C8A: variants seen among roughly 807,000 people sequenced by gnomAD.
The protein encoded by C8A is complement component C8 alpha chain.
In C8A, 67 loss-of-function variants were observed where a neutral mutation model predicts 65.3. That is an observed-to-expected ratio of 1.03 (90% CI 0.84 to 1.26). The LOEUF is 1.26. Among genes scored for constraint, C8A ranks in the 50% most tolerant of loss-of-function variants. C8A has a pLI of 0.00. For missense variants in C8A, 781 were observed against 723.9 expected (o/e 1.08, Z -0.90); for synonymous variants, 290 against 259.4 (o/e 1.12, Z -1.13).
intron 8 of C8A, among the ~76,000 whole-genome samples, chr1:56,907,695 C>A (rs577030948): frequency 6.6e-6 from 1 of 152,078 alleles, no homozygotes; most frequent in South Asian, 2.1e-4. Flanking sequence ...AATGAATGAC[C>A]ACCCATTTCC....
Position 56,918,057 on chromosome 1 carries a change from A to G in C8A, c.*341A>G, listed in dbSNP as rs1314420222. ...CTTACAGGATGTTAGAGACAAAACA[A>G]GCAGACACCTGAAACAATCAACGCC... On this transcript the variant is annotated 3_prime_UTR_variant, in exon 11 of 11. Transcript: ENST00000361249. 3 of 242,226 alleles carry G rather than the reference A, an allele frequency of 1.2e-5. No individual in the cohort carries two copies. In the Admixed American group the frequency reaches 1.6e-4, roughly 13 times the overall value. The allele number at this position is 242,226 out of a possible 1,614,324, so 15.0% of individuals were successfully genotyped here. A position where few individuals can be genotyped will look rare whatever the true frequency, so the allele number is the denominator to read the frequency against.
chr1:56,902,080 C>T (rs1292976323), intron 7 of C8A, among the ~76,000 whole-genome samples: 1 of 152,142 alleles, frequency 6.6e-6, no homozygotes, highest in Non-Finnish European at 1.5e-5. Context: ...CTTAAAAGAT[C>T]GCTGGTCTTT....
chr1:56,908,870 G>A (rs1570352766), intron 9 of C8A, among the ~76,000 whole-genome samples: 2 of 152,200 alleles, frequency 1.3e-5, no homozygotes, highest in Admixed American at 1.3e-4. Context: ...CATTAAAGCA[G>A]TGGCTCTCAG....
chr1:56,888,135 A>G (rs1029045248), intron 7 of C8A, among the ~76,000 whole-genome samples: 3 of 152,162 alleles, frequency 2.0e-5, no homozygotes, highest in Admixed American at 1.3e-4. Flanking sequence ...GTATATAAAA[A>G]AAATTTCCAA....
Position 56,883,645 on chromosome 1 carries a change from T to G in C8A, c.819T>G (p.Thr273=). The G allele has an allele frequency of 6.2e-7, 1 of 1,613,888 alleles. No individual in the cohort carries two copies. The highest frequency in any genetic ancestry group is 1.1e-5 in the South Asian group (1 of 91,070). ...TAGGTGTATCCCACTCACAAGACACTTCATTCTTGAACGAATTAAACAAGT... is the reference window on the plus strand; with the variant it reads ...TAGGTGTATCCCACTCACAAGACACGTCATTCTTGAACGAATTAAACAAGT... ...VGVGVSHSQD[T]SFLNELNKYN... The change falls in exon 6 of 11, where the codon ACT becomes ACG. Residue 273 remains threonine, a synonymous_variant. Coordinates refer to ENST00000361249, the MANE Select transcript of C8A (RefSeq NM_000562.3).
At chr1:56,882,879 T>A (rs2101236020) in intron 5 of C8A, among the ~76,000 whole-genome samples, 1 of 152,230 alleles carries the variant, frequency 6.6e-6, no homozygotes, top group South Asian at 2.1e-4. Context: ...TCACAGACAC[T>A]CAGGGACTCA....
chr1:56,876,109 C>A lies in C8A; in HGVS notation c.364C>A (p.Leu122Ile), dbSNP rs1178745836. Residue 122 changes from leucine (L) to isoleucine (I), a missense_variant, in exon 4 of 11, where the codon CTT becomes ATT. Coordinates refer to ENST00000361249, the MANE Select transcript of C8A (RefSeq NM_000562.3). ...TGTGTGTAATGGAGACCAGGACTGCCTTGATGGCTCTGATGAGGACGACTG... is the reference window on the plus strand; with the variant it reads ...TGTGTGTAATGGAGACCAGGACTGCATTGATGGCTCTGATGAGGACGACTG... ...HLVCNGDQDC[L>I]DGSDEDDCED... 1 of 1,613,796 alleles carries A rather than the reference C, an allele frequency of 6.2e-7. No individual in the cohort carries two copies. The highest frequency in any genetic ancestry group is 8.5e-7 in the Non-Finnish European group (1 of 1,179,878).
chr1:56,874,234 C>T (rs1409329845), intron 2 of C8A, among the ~76,000 whole-genome samples: 3 of 152,146 alleles, frequency 2.0e-5, no homozygotes, highest in Admixed American at 1.3e-4. Flanking sequence ...TGTGCCAATC[C>T]TTGAAGCAAT....
At chr1:56,882,141 C>G (rs935106204) in intron 5 of C8A, among the ~76,000 whole-genome samples, 6 of 152,112 alleles carry the variant, frequency 3.9e-5, no homozygotes, top group African/African-American at 1.4e-4. Flanking sequence ...TTCTTCTGTA[C>G]AAAAATGCTT....
chr1:56,883,756 A>G, intron 6 of C8A, 75 bp downstream of exon 6: 1 of 1,252,314 alleles, frequency 8.0e-7, no homozygotes. Flanking sequence ...AATTGCATTA[A>G]AAAGTACAGT....
At chr1:56,879,610 G>A (rs1274542262) in intron 4 of C8A, among the ~76,000 whole-genome samples, 4 of 152,130 alleles carry the variant, frequency 2.6e-5, no homozygotes, top group Non-Finnish European at 5.9e-5. Context: ...ACAAAATCTA[G>A]GAAAAAATCC....
chr1:56,912,706 G>T (rs762437513), intron 10 of C8A, 81 bp downstream of exon 10: 4 of 1,308,924 alleles, frequency 3.1e-6, no homozygotes. Context: ...TGGGGTTCCC[G>T]GCCCCTCCTT....
chr1:56,899,461 C>T (rs1280114408), intron 7 of C8A, among the ~76,000 whole-genome samples: 2 of 152,140 alleles, frequency 1.3e-5, no homozygotes, highest in Non-Finnish European at 2.9e-5. Context: ...TCAACCTACT[C>T]CTTTCTAAAA....
At chr1:56,877,499 C>CG (rs1195847885) in intron 4 of C8A, among the ~76,000 whole-genome samples, 2 of 152,110 alleles carry the variant, frequency 1.3e-5, no homozygotes, top group African/African-American at 4.8e-5. Flanking sequence ...TCTCCAGTAC[C>CG]GGAACAGGGC....
intron 1 of C8A, among the ~76,000 whole-genome samples, chr1:56,864,357 A>G (rs928430236): frequency 6.6e-6 from 1 of 152,148 alleles, no homozygotes; most frequent in African/African-American, 2.4e-5. Context: ...TCATGGAATC[A>G]AAACTGGTTA....
chr1:56,857,303 T>TACACACACACAC (rs71048450), intron 1 of C8A, among the ~76,000 whole-genome samples: 66 of 148,788 alleles, frequency 4.4e-4, no homozygotes, highest in Non-Finnish European at 5.1e-4. Flanking sequence ...TGTTATTAAA[T>TACACACACACAC]ACACACACAC....
Position 56,886,130 on chromosome 1 carries a change from T to C in C8A, c.1059T>C (p.Tyr353=). The C allele has an allele frequency of 5.6e-6, 9 of 1,614,020 alleles. No individual in the cohort carries two copies. Among genetic ancestry groups the C allele is most frequent in the Non-Finnish European group, 7.6e-6 (9 of 1,179,928 alleles). The change falls in exon 7 of 11, where the codon TAT becomes TAC. Residue 353 remains tyrosine (Y), a synonymous_variant. Transcript: ENST00000361249. ...GATCCATGGGTGGCATTTATGAATA[T>C]ATCCTGGTGATTGACAAAGCAAAAA... ...TSGSMGGIYE[Y]ILVIDKAKME...
intron 7 of C8A, 68 bp from the exon 8 acceptor site, chr1:56,906,599 A>G: frequency 1.3e-6 from 2 of 1,592,660 alleles, no homozygotes. Flanking sequence ...CTACTCTGAC[A>G]TAGTTGTACC....
Position 56,908,039 on chromosome 1 carries a change from C to G in C8A, c.1306C>G (p.Gln436Glu). 6.2e-7 allele frequency: 1 copy of G among 1,614,044 alleles called. No homozygotes were observed. The highest frequency in any genetic ancestry group is 1.3e-5 in the African/African-American group (1 of 75,008). ...GSSGWSGGLA[Q>E]NRSTITYRSW... ...TTCTGGCTGGAGCGGTGGCTTGGCA[C>G]AGAACAGGAGCACCATTACATACCG... is the stretch of plus-strand genomic sequence containing the variant. Residue 436 changes from glutamine (Q) to glutamate (E), a missense_variant, in exon 9 of 11, where the codon CAG becomes GAG. Transcript: ENST00000361249.
Sources: allele counts gnomAD v4.1 joint callset (sites outside exome capture counted in the v4.1 genomes callset), GRCh38; gene constraint gnomAD v4.1.1; transcripts MANE v1.5; gene names NCBI Gene and HGNC (gene_info 2026-07-23, HGNC 2026-07-21).